Variants in PTPRR observed in about 807,000 individuals in gnomAD.
The protein encoded by PTPRR is protein tyrosine phosphatase receptor type R.
PTPRR carries 38 observed loss-of-function variants against 77.2 expected under a neutral mutation model. The ratio of observed to expected loss-of-function variants is 0.49; its 90% confidence interval spans 0.38 to 0.65. The LOEUF (loss-of-function observed/expected upper bound fraction) is 0.65. PTPRR is among the 30% of genes least tolerant of loss of function. PTPRR has a pLI of 0.00. For synonymous variants in PTPRR, 299 were observed against 283.1 expected (o/e 1.06, Z -0.57); for missense variants, 744 against 799.2 (o/e 0.93, Z 0.83).
chr12:70,906,479 G>A (rs1304578339), intron 1 of PTPRR, among the ~76,000 whole-genome samples: 1 of 151,914 alleles, frequency 6.6e-6, no homozygotes, highest in African/African-American at 2.4e-5. Flanking sequence ...CATTCTATTG[G>A]TAATAGTAAC....
At chr12:70,809,395 T>C (rs1357407422) in intron 2 of PTPRR, among the ~76,000 whole-genome samples, 4 of 151,784 alleles carry the variant, frequency 2.6e-5, no homozygotes, top group African/African-American at 9.7e-5. Context: ...GTTAAAATTA[T>C]TCATTGTGTT....
chr12:70,729,651 T>C (rs1166241856), intron 6 of PTPRR, among the ~76,000 whole-genome samples: 1 of 152,016 alleles, frequency 6.6e-6, no homozygotes, highest in African/African-American at 2.4e-5. Flanking sequence ...TTACCAACAG[T>C]GAGTGGGAAT....
chr12:70,905,638 T>C (rs1326999462), intron 1 of PTPRR, among the ~76,000 whole-genome samples: 1 of 151,960 alleles, frequency 6.6e-6, no homozygotes, highest in Admixed American at 6.6e-5. Flanking sequence ...GAGAAATGAA[T>C]GAAATTACAA....
intron 5 of PTPRR, among the ~76,000 whole-genome samples, chr12:70,749,128 T>C (rs7299333): frequency 0.44 from 66,958 of 151,946 alleles, 16,090 homozygotes; most frequent in Non-Finnish European, 0.53. Context: ...GAAATATATG[T>C]TCACAAGACA....
chr12:70,829,582 G>A (rs867509888), intron 2 of PTPRR, among the ~76,000 whole-genome samples: 2 of 152,226 alleles, frequency 1.3e-5, no homozygotes, highest in Middle Eastern at 6.8e-3. Flanking sequence ...AGTATTATTT[G>A]CCATAAGAAA....
intron 5 of PTPRR, among the ~76,000 whole-genome samples, chr12:70,749,664 T>C (rs1420826861): frequency 6.6e-6 from 1 of 152,182 alleles, no homozygotes; most frequent in Non-Finnish European, 1.5e-5. Context: ...GTTAAGGCTA[T>C]AGCAGGTGGT....
intron 2 of PTPRR, among the ~76,000 whole-genome samples, chr12:70,885,329 T>C (rs1360228800): frequency 6.6e-6 from 1 of 152,210 alleles, no homozygotes; most frequent in East Asian, 1.9e-4. Flanking sequence ...TACTATACAA[T>C]GAAATTTTTA....
intron 2 of PTPRR, among the ~76,000 whole-genome samples, chr12:70,797,555 T>C (rs1307261601): frequency 2.0e-5 from 3 of 152,228 alleles, no homozygotes. Context: ...TCATCATCTC[T>C]ATTCTGCTCT....
chr12:70,774,148 GATGGATTCCTT>G (rs11274840), intron 2 of PTPRR, among the ~76,000 whole-genome samples: 4,635 of 152,294 alleles, frequency 0.03, 239 homozygotes, highest in African/African-American at 0.11. Context: ...CAAGGCCAAA[GATGGATTCCTT>G]AGTTTTCTCA....
chr12:70,866,759 T>G (rs957168829), intron 2 of PTPRR, among the ~76,000 whole-genome samples: 6 of 152,172 alleles, frequency 3.9e-5, no homozygotes, highest in Admixed American at 2.0e-4. Flanking sequence ...ATATCCTTGA[T>G]GAACATTGAT....
intron 2 of PTPRR, among the ~76,000 whole-genome samples, chr12:70,808,364 C>T (rs1214452052): frequency 2.0e-5 from 3 of 152,026 alleles, no homozygotes; most frequent in Non-Finnish European, 4.4e-5. Flanking sequence ...CTTTTGTTGC[C>T]CTTAAAGCAT....
chr12:70,684,686 T>G lies in PTPRR; in HGVS notation c.1359+18A>C, dbSNP rs370044038. The G allele has an allele frequency of 6.7e-6, 10 of 1,497,744 alleles. No individual in the cohort carries two copies. The African/African-American group carries it at 1.4e-4, about 21-fold the overall frequency. The allele number at this position is 1,497,744 out of a possible 1,614,324, so 92.8% of individuals were successfully genotyped here. A position where few individuals can be genotyped will look rare whatever the true frequency, so the allele number is the denominator to read the frequency against. On this transcript the variant is annotated intron_variant, in intron 9 of 13. Transcript: ENST00000283228. ...AAATAGGAAGTCACCAGAAAGAAATTTGTACTTATTTACTTACCCTAATAT... is the reference window on the plus strand; with the variant it reads ...AAATAGGAAGTCACCAGAAAGAAATGTGTACTTATTTACTTACCCTAATAT...
chr12:70,798,093 C>A (rs1891548099), intron 2 of PTPRR, among the ~76,000 whole-genome samples: 3 of 152,126 alleles, frequency 2.0e-5, no homozygotes, highest in Non-Finnish European at 4.4e-5. Flanking sequence ...AATTGAGATA[C>A]TGATTATTTT....
intron 2 of PTPRR, among the ~76,000 whole-genome samples, chr12:70,875,903 C>T (rs941389487): frequency 6.6e-6 from 1 of 152,076 alleles, no homozygotes; most frequent in Admixed American, 6.5e-5. Context: ...AACTGATACA[C>T]ATGAAAGATG....
intron 6 of PTPRR, among the ~76,000 whole-genome samples, chr12:70,741,052 G>A (rs1017813917): frequency 2.6e-5 from 4 of 152,196 alleles, no homozygotes; most frequent in African/African-American, 9.6e-5. Flanking sequence ...AGTGAGAATA[G>A]AACAGGAAGG....
intron 2 of PTPRR, among the ~76,000 whole-genome samples, chr12:70,770,144 A>C (rs35455835): frequency 0.33 from 46,062 of 137,584 alleles, 9,006 homozygotes; most frequent in African/African-American, 0.6. Context: ...GCAACAAAAG[A>C]CAAAATTGAC....
chr12:70,639,940 G>T (rs1223385593), intron 13 of PTPRR, among the ~76,000 whole-genome samples: 1 of 152,018 alleles, frequency 6.6e-6, no homozygotes, highest in Non-Finnish European at 1.5e-5. Flanking sequence ...TGGTGTACGG[G>T]GTGTCTAAAC....
intron 12 of PTPRR, among the ~76,000 whole-genome samples, chr12:70,660,566 A>G (rs1272337895): frequency 8.5e-5 from 13 of 152,258 alleles, no homozygotes; most frequent in African/African-American, 3.1e-4. Flanking sequence ...TGAAACAACA[A>G]AAAAGCCACT....
chr12:70,877,995 G>A (rs1893081722), intron 2 of PTPRR, among the ~76,000 whole-genome samples: 2 of 152,194 alleles, frequency 1.3e-5, no homozygotes, highest in Non-Finnish European at 2.9e-5. Flanking sequence ...AACAAGCAAT[G>A]GGGAAAGGAT....
Sources: allele counts gnomAD v4.1 joint callset (sites outside exome capture counted in the v4.1 genomes callset), GRCh38; gene constraint gnomAD v4.1.1; transcripts MANE v1.5; gene names NCBI Gene and HGNC (gene_info 2026-07-23, HGNC 2026-07-21).